HMCN1: variants seen among roughly 807,000 people sequenced by gnomAD.
HMCN1 encodes the protein hemicentin 1.
In HMCN1, 321 loss-of-function variants were observed where a neutral mutation model predicts 625.9. That is an observed-to-expected ratio of 0.51 (90% confidence interval 0.47 to 0.56). The LOEUF is 0.56. Ranked by LOEUF, HMCN1 falls within the 20% of genes least tolerant of loss-of-function variation. The pLI is 0.00. For missense variants in HMCN1, 6,588 were observed against 6,887.3 expected (o/e 0.96, Z 1.54); for synonymous variants, 2,425 against 2,417.6 (o/e 1.00, Z -0.09).
chr1:185,867,116 C>G (rs76559291), intron 4 of HMCN1, among the ~76,000 whole-genome samples: 80 of 152,110 alleles, frequency 5.3e-4, no homozygotes, highest in African/African-American at 1.9e-3. Context: ...AAGAATCTAG[C>G]GAAAAATTTT....
chr1:186,174,864 C>G (rs1652461489), intron 103 of HMCN1, among the ~76,000 whole-genome samples: 1 of 152,196 alleles, frequency 6.6e-6, no homozygotes, highest in Non-Finnish European at 1.5e-5. Flanking sequence ...ATCACTTACT[C>G]TGTGCTTGCT....
At chr1:186,030,270 A>G (rs1655334391) in intron 36 of HMCN1, among the ~76,000 whole-genome samples, 2 of 152,084 alleles carry the variant, frequency 1.3e-5, no homozygotes, top group South Asian at 2.1e-4. Flanking sequence ...TGTATCCACA[A>G]TTGAAAGTGG....
intron 4 of HMCN1, among the ~76,000 whole-genome samples, chr1:185,880,292 A>G (rs945291955): frequency 6.6e-6 from 1 of 152,198 alleles, no homozygotes; most frequent in Non-Finnish European, 1.5e-5. Context: ...AAAAGCATAG[A>G]ACATAAAGCA....
intron 30 of HMCN1, among the ~76,000 whole-genome samples, chr1:186,013,819 A>G (rs1275555723): frequency 6.6e-6 from 1 of 152,206 alleles, no homozygotes; most frequent in Non-Finnish European, 1.5e-5. Flanking sequence ...AACCCAAGGC[A>G]TTTAAGTTTC....
At chr1:186,189,473 C>G in intron 106 of HMCN1, 39 bp from the exon 107 acceptor site, 1 of 1,609,206 alleles carries the variant, frequency 6.2e-7, no homozygotes, top group Non-Finnish European at 8.5e-7. Context: ...CTCCTACTTC[C>G]AGATAACTAT....
In HMCN1 at chr1:186,071,194, A is replaced by T. The variant is rs148330309; in HGVS notation, c.8139+437A>T. On this transcript the variant is annotated intron_variant, in intron 52 of 106. Coordinates refer to ENST00000271588, the MANE Select transcript of HMCN1 (RefSeq NM_031935.3). ...AATGTTGCTATCCCGGGTTAGAATG[A>T]CAGGTATAACATGGGTACTAAATTT... is the stretch of plus-strand genomic sequence containing the variant. Among the ~76,000 whole-genome samples the T allele has an allele frequency of 3.7e-3, 563 of 152,280 alleles. 3 individuals are homozygous for T. The highest frequency in any genetic ancestry group is 0.013 in the African/African-American group (536 of 41,558).
At chr1:185,911,645 G>A (rs1358676998) in intron 5 of HMCN1, 29 bp from the exon 6 acceptor site, 1 of 1,448,814 alleles carries the variant, frequency 6.9e-7, no homozygotes, top group Non-Finnish European at 9.7e-7. Flanking sequence ...GAAGGATTGT[G>A]CTTGTTACCT....
Position 186,128,268 on chromosome 1 carries a change from C to T in HMCN1, c.12881C>T (p.Thr4294Ile). ...TGIPLPKLTWTFNNNIIPAHF... is the reference protein window; with the variant it reads ...TGIPLPKLTWIFNNNIIPAHF... ...ATTCCATTGCCCAAATTAACATGGA[C>T]CTTCAATAACAATATTATTCCAGGT... The change falls in exon 83 of 107, where the codon ACC becomes ATC. Residue 4294 changes from threonine to isoleucine, a missense_variant. Transcript: ENST00000271588. The T allele has an allele frequency of 6.2e-7, 1 of 1,612,964 alleles. No homozygotes were observed. Among genetic ancestry groups the T allele is most frequent in the Non-Finnish European group, 8.5e-7 (1 of 1,179,328 alleles).
intron 96 of HMCN1, 148 bp from the exon 97 acceptor site, chr1:186,153,602 C>T: frequency 1.4e-6 from 1 of 721,058 alleles, no homozygotes; most frequent in South Asian, 1.5e-5. Context: ...TAAAAGTTAA[C>T]ACATATTAAA....
chr1:185,921,292 G>C (rs542281202), intron 6 of HMCN1, among the ~76,000 whole-genome samples: 2 of 152,124 alleles, frequency 1.3e-5, no homozygotes, highest in East Asian at 3.9e-4. Flanking sequence ...TACCCTTTGA[G>C]TTCTTGAGAT....
intron 104 of HMCN1, among the ~76,000 whole-genome samples, chr1:186,181,875 TCTTA>T (rs772724126): frequency 6.6e-5 from 10 of 152,296 alleles, no homozygotes; most frequent in Non-Finnish European, 1.2e-4. Context: ...GTCATGTCAC[TCTTA>T]CTTAAGTAAT....
At chr1:185,976,362 T>C (rs1651214742) in intron 15 of HMCN1, among the ~76,000 whole-genome samples, 1 of 152,160 alleles carries the variant, frequency 6.6e-6, no homozygotes, top group South Asian at 2.1e-4. Flanking sequence ...GTAACATTTA[T>C]AAAGGGAAAT....
intron 6 of HMCN1, among the ~76,000 whole-genome samples, chr1:185,914,511 C>A (rs1053024931): frequency 8.6e-5 from 13 of 152,026 alleles, no homozygotes; most frequent in Non-Finnish European, 1.8e-4. Context: ...GAGCCTCAAG[C>A]CAATCTTTCT....
intron 61 of HMCN1, 22 bp downstream of exon 61, chr1:186,088,035 A>T: frequency 1.2e-6 from 2 of 1,612,466 alleles, no homozygotes; most frequent in Non-Finnish European, 1.7e-6. Flanking sequence ...CCTCTAATAC[A>T]ACTCTTTTTC....
Position 186,117,111 on chromosome 1 carries a change from C to G in HMCN1, c.11679C>G (p.Val3893=). The G allele has an allele frequency of 6.2e-7, 1 of 1,613,110 alleles. No homozygotes were observed. The highest frequency in any genetic ancestry group is 8.5e-7 in the Non-Finnish European group (1 of 1,179,418). ...ATAAAAGAACTGTGGATCTCACTGT[C>G]CAAGGTAGAATTGGCTTGGAACATG... ...GDDKRTVDLT[V]QVPPSIADEP... The change falls in exon 76 of 107, where the codon GTC becomes GTG. Residue 3893 remains valine (V), a synonymous_variant. Transcript: ENST00000271588.
At chr1:185,801,231 T>A (rs539423900) in intron 1 of HMCN1, among the ~76,000 whole-genome samples, 55 of 152,346 alleles carry the variant, frequency 3.6e-4, no homozygotes, top group African/African-American at 1.3e-3. Flanking sequence ...ATGTTAGTGA[T>A]GAGTGCCAAA....
intron 1 of HMCN1, among the ~76,000 whole-genome samples, chr1:185,801,500 C>G (rs941931334): frequency 6.6e-6 from 1 of 152,148 alleles, no homozygotes; most frequent in Non-Finnish European, 1.5e-5. Flanking sequence ...AAAAGCAAAA[C>G]CAGATGAAGT....
intron 1 of HMCN1, among the ~76,000 whole-genome samples, chr1:185,749,219 G>T (rs1265619466): frequency 1.3e-5 from 2 of 152,210 alleles, no homozygotes; most frequent in Admixed American, 1.3e-4. Context: ...TACTATTGGT[G>T]AAAGGACTTA....
intron 57 of HMCN1, 77 bp downstream of exon 57, chr1:186,083,038 C>T (rs1659264177): frequency 1.3e-6 from 1 of 746,084 alleles, no homozygotes. Context: ...ATTATGTAGG[C>T]TTATTTTGTA....
Sources: gnomAD v4.1 joint callset for allele counts (sites outside exome capture counted in the v4.1 genomes callset) on GRCh38, gnomAD v4.1.1 for gene constraint, MANE v1.5 for transcripts, NCBI Gene and HGNC (gene_info 2026-07-23, HGNC 2026-07-21) for gene names.